The following HPSE2 variants were observed in gnomAD, a reference collection of about 807,000 sequenced individuals.
HPSE2 encodes the protein heparanase 2 (inactive).
In HPSE2, 38 loss-of-function variants were observed where a neutral mutation model predicts 60.5. The observed-to-expected ratio is 0.63, with a 90% CI of 0.48 to 0.82. The LOEUF is 0.82. HPSE2 is among the 40% of genes least tolerant of loss of function. The pLI is 0.00. For synonymous variants in HPSE2, 295 were observed against 293.2 expected (o/e 1.01, Z -0.06); for missense variants, 713 against 740.4 (o/e 0.96, Z 0.43).
intron 9 of HPSE2, among the ~76,000 whole-genome samples, chr10:98,573,359 T>C (rs180923464): frequency 2.9e-4 from 44 of 152,314 alleles, no homozygotes; most frequent in Admixed American, 2.4e-3. Context: ...CCAGGCTTAT[T>C]GGTAAGCCTG....
the HPSE2 span, among the ~76,000 whole-genome samples, chr10:99,267,323 C>T: frequency 6.6e-6 from 1 of 151,698 alleles, no homozygotes; most frequent in Non-Finnish European, 1.5e-5. Context: ...GACACACTTA[C>T]AGAAATACAA....
At chr10:98,471,389 G>C (rs941098919) in intron 11 of HPSE2, among the ~76,000 whole-genome samples, 1 of 152,162 alleles carries the variant, frequency 6.6e-6, no homozygotes, top group African/African-American at 2.4e-5. Flanking sequence ...GTGCAGCCAA[G>C]GTTGAACACC....
chr10:98,475,409 G>A (rs969940393), intron 11 of HPSE2, among the ~76,000 whole-genome samples: 6 of 152,114 alleles, frequency 3.9e-5, no homozygotes, highest in African/African-American at 9.7e-5. Context: ...GTGAGCCACC[G>A]TGCCCAGCCC....
intron 2 of HPSE2, among the ~76,000 whole-genome samples, chr10:99,177,177 G>T: frequency 6.6e-6 from 1 of 151,906 alleles, no homozygotes; most frequent in South Asian, 2.1e-4. Flanking sequence ...ATACCAAATT[G>T]TAAAGACCAT....
At chr10:99,017,173 A>AT (rs1957162212) in intron 3 of HPSE2, among the ~76,000 whole-genome samples, 2 of 152,286 alleles carry the variant, frequency 1.3e-5, no homozygotes, top group African/African-American at 4.8e-5. Flanking sequence ...TTTGTCACAC[A>AT]TAGCTCTTAT....
chr10:99,196,038 C>A (rs1848386757), intron 2 of HPSE2, among the ~76,000 whole-genome samples: 1 of 151,836 alleles, frequency 6.6e-6, no homozygotes. Flanking sequence ...AATAGAGAAC[C>A]CAGAAATAAA....
At chr10:98,879,462 G>C (rs1952961362) in intron 3 of HPSE2, among the ~76,000 whole-genome samples, 1 of 152,004 alleles carries the variant, frequency 6.6e-6, no homozygotes, top group South Asian at 2.1e-4. Flanking sequence ...CACTACTCTT[G>C]TTCCAGCTGG....
chr10:98,870,474 T>C (rs575742814), intron 3 of HPSE2, among the ~76,000 whole-genome samples: 1 of 151,840 alleles, frequency 6.6e-6, no homozygotes, highest in South Asian at 2.1e-4. Context: ...GACAACTCTG[T>C]GAACAAAAGG....
At chr10:98,482,499 G>T in intron 11 of HPSE2, 137 bp downstream of exon 11, 1 of 1,030,916 alleles carries the variant, frequency 9.7e-7, no homozygotes, top group Non-Finnish European at 1.5e-6. Context: ...GCAGTCACCT[G>T]ACCCCAGACC....
chr10:98,890,505 A>T (rs1953303731), intron 3 of HPSE2, among the ~76,000 whole-genome samples: 1 of 152,206 alleles, frequency 6.6e-6, no homozygotes, highest in African/African-American at 2.4e-5. Context: ...ACATACTTGT[A>T]TATAAAGGCA....
chr10:98,723,815 C>T (rs541230909), intron 4 of HPSE2, among the ~76,000 whole-genome samples: 56 of 152,212 alleles, frequency 3.7e-4, no homozygotes, highest in African/African-American at 1.3e-3. Flanking sequence ...GTGATATCCC[C>T]TTTGTCATTT....
intron 11 of HPSE2, among the ~76,000 whole-genome samples, chr10:98,468,978 C>T (rs780529035): frequency 5.9e-5 from 9 of 152,194 alleles, no homozygotes; most frequent in Non-Finnish European, 8.8e-5. Context: ...TTCTGTATCA[C>T]TGACCAGAGA....
intron 9 of HPSE2, among the ~76,000 whole-genome samples, chr10:98,490,856 T>C (rs1941619316): frequency 6.6e-6 from 1 of 152,216 alleles, no homozygotes; most frequent in Non-Finnish European, 1.5e-5. Context: ...TCATTCCATG[T>C]GTAATTGATT....
At chr10:99,200,946 T>C (rs1218198525) in intron 2 of HPSE2, among the ~76,000 whole-genome samples, 1 of 152,194 alleles carries the variant, frequency 6.6e-6, no homozygotes, top group Non-Finnish European at 1.5e-5. Flanking sequence ...CATCCTCAAC[T>C]ATCAAATTGT....
At chr10:98,665,016 C>T (rs1565061583) in intron 6 of HPSE2, among the ~76,000 whole-genome samples, 1 of 152,116 alleles carries the variant, frequency 6.6e-6, no homozygotes, top group Non-Finnish European at 1.5e-5. Flanking sequence ...CATTGAGATC[C>T]AGGAGAAAGT....
intron 3 of HPSE2, among the ~76,000 whole-genome samples, chr10:99,061,447 G>GT (rs1339054437): frequency 6.6e-6 from 1 of 152,164 alleles, no homozygotes; most frequent in East Asian, 1.9e-4. Context: ...GTTTTCATTT[G>GT]TTTTTTATCA....
chr10:98,998,300 G>C (rs533583136), intron 3 of HPSE2, among the ~76,000 whole-genome samples: 15 of 152,210 alleles, frequency 9.9e-5, no homozygotes, highest in African/African-American at 3.6e-4. Context: ...TTTTCATTTT[G>C]TTTTGCCAAA....
intron 3 of HPSE2, among the ~76,000 whole-genome samples, chr10:98,823,194 A>G (rs1951463038): frequency 6.6e-6 from 1 of 152,246 alleles, no homozygotes; most frequent in Non-Finnish European, 1.5e-5. Flanking sequence ...TGGAAGGAAC[A>G]CAGCTGTGGA....
chr10:98,873,515 T>C (rs544189444), intron 3 of HPSE2, among the ~76,000 whole-genome samples: 2 of 152,224 alleles, frequency 1.3e-5, no homozygotes, highest in East Asian at 1.9e-4. Context: ...GCTTCATCCA[T>C]GCCCCTGAAA....
Sources: gnomAD v4.1 joint callset for allele counts (sites outside exome capture counted in the v4.1 genomes callset) on GRCh38, gnomAD v4.1.1 for gene constraint, MANE v1.5 for transcripts, NCBI Gene and HGNC (gene_info 2026-07-23, HGNC 2026-07-21) for gene names.